The following DLGAP1 variants were observed in gnomAD, a reference collection of about 807,000 sequenced individuals.
The protein encoded by DLGAP1 is DLG associated protein 1.
In DLGAP1, 11 loss-of-function variants were observed where a neutral mutation model predicts 90.8. That is an observed-to-expected ratio of 0.12 (90% CI 0.08 to 0.20). The LOEUF (loss-of-function observed/expected upper bound fraction) is 0.20. Ranked by LOEUF, DLGAP1 falls within the 10% of genes least tolerant of loss-of-function variation. The pLI is 1.00. For synonymous variants in DLGAP1, 558 were observed against 540.7 expected, an observed-to-expected ratio of 1.03 and a Z score of -0.44; for missense variants, 1,050 against 1,333.8, an observed-to-expected ratio of 0.79 and a Z score of 3.31.
chr18:3,583,890 G>T (rs1200716244), intron 7 of DLGAP1, among the ~76,000 whole-genome samples: 1 of 152,218 alleles, frequency 6.6e-6, no homozygotes, highest in East Asian at 1.9e-4. Flanking sequence ...GGAGGTTGCA[G>T]TGAGCTGAGA....
intron 1 of DLGAP1, among the ~76,000 whole-genome samples, chr18:4,407,862 A>G (rs1567897961): frequency 5.5e-5 from 2 of 36,320 alleles, no homozygotes; most frequent in Middle Eastern, 0.022. Context: ...CTCAGTCTCT[A>G]AATAAATAAA....
At chr18:3,547,174 G>A (rs1161026612) in intron 9 of DLGAP1, among the ~76,000 whole-genome samples, 5 of 151,572 alleles carry the variant, frequency 3.3e-5, no homozygotes, top group Admixed American at 6.6e-5. Context: ...GGTGGCGGGC[G>A]CCGGTAGTCC....
chr18:3,522,752 A>G (rs1219973396), intron 10 of DLGAP1, among the ~76,000 whole-genome samples: 1 of 151,922 alleles, frequency 6.6e-6, no homozygotes, highest in Non-Finnish European at 1.5e-5. Flanking sequence ...CATGTTGGCC[A>G]GGTTGGTCTC....
intron 1 of DLGAP1, among the ~76,000 whole-genome samples, chr18:4,310,672 C>T (rs1354041767): frequency 1.3e-5 from 2 of 152,136 alleles, no homozygotes; most frequent in African/African-American, 4.8e-5. Flanking sequence ...TCATTGTATC[C>T]TGTGTTTAGT....
intron 5 of DLGAP1, among the ~76,000 whole-genome samples, chr18:3,779,861 C>G (rs547369119): frequency 6.7e-6 from 1 of 148,186 alleles, no homozygotes; most frequent in African/African-American, 2.5e-5. Flanking sequence ...GTGATCTCGG[C>G]TTACTGCAAC....
rs986058827 is a variant in DLGAP1, at chr18:4,454,197, C to T, written c.-267+809G>A. Reference sequence around the variant, plus strand: ...CATCGCCGCGGGCCCTCCGAAGGTGCCTCTCCCAGCTGCAGCCGCCCCTCA... The same window carrying T: ...CATCGCCGCGGGCCCTCCGAAGGTGTCTCTCCCAGCTGCAGCCGCCCCTCA... On this transcript the variant is annotated intron_variant, in intron 1 of 12. Transcript: ENST00000315677. This position sits in a 1 kb window ranked among gnomAD's most constrained non-coding sequence, Gnocchi z 4.7. Among the ~76,000 whole-genome samples, 3 of 152,212 alleles carry T rather than the reference C, an allele frequency of 2.0e-5. No individual in the cohort carries two copies. Among genetic ancestry groups the T allele is most frequent in the Non-Finnish European group, 2.9e-5 (2 of 68,034 alleles).
At chr18:3,502,758 G>T in intron 11 of DLGAP1, 113 bp from the exon 12 acceptor site, 1 of 1,221,606 alleles carries the variant, frequency 8.2e-7, no homozygotes, top group Non-Finnish European at 1.1e-6. Context: ...AGTTCCTTTT[G>T]GTTTTCCGAC....
intron 1 of DLGAP1, among the ~76,000 whole-genome samples, chr18:4,388,596 G>A (rs997482789): frequency 2.0e-5 from 3 of 152,122 alleles, no homozygotes; most frequent in African/African-American, 7.2e-5. Context: ...AAGGAGTCAT[G>A]TTGTACTGAA....
chr18:4,405,491 A>G (rs1333933281), intron 1 of DLGAP1, among the ~76,000 whole-genome samples: 3 of 152,140 alleles, frequency 2.0e-5, no homozygotes, highest in African/African-American at 7.2e-5. Flanking sequence ...CAACACAATG[A>G]GCATTTTTTC....
At chr18:3,823,531 T>G (rs1377140052) in intron 4 of DLGAP1, among the ~76,000 whole-genome samples, 1 of 152,198 alleles carries the variant, frequency 6.6e-6, no homozygotes, top group Non-Finnish European at 1.5e-5. Flanking sequence ...TTTGTCTTAC[T>G]CAAATTTCTA....
At chr18:4,453,797 C>T (rs2144931690) in intron 1 of DLGAP1, among the ~76,000 whole-genome samples, 1 of 152,306 alleles carries the variant, frequency 6.6e-6, no homozygotes, top group Non-Finnish European at 1.5e-5. Context: ...AGGCAGGGAG[C>T]ATTCACCTCC....
intron 7 of DLGAP1, among the ~76,000 whole-genome samples, chr18:3,596,233 C>T (rs1043479480): frequency 1.3e-5 from 2 of 151,982 alleles, no homozygotes; most frequent in Non-Finnish European, 1.5e-5. Context: ...GATCTCGGCT[C>T]ACTGCAACCT....
At chr18:4,247,572 T>A (rs941559160) in intron 1 of DLGAP1, among the ~76,000 whole-genome samples, 1 of 152,128 alleles carries the variant, frequency 6.6e-6, no homozygotes, top group African/African-American at 2.4e-5. Context: ...GGTCAGGAGT[T>A]TGAGACCAGT....
rs755314290 is a variant in DLGAP1, at chr18:3,880,016, G to C, written c.53C>G (p.Ser18Trp). Residue 18 changes from serine to tryptophan, a missense_variant, in exon 4 of 13, where the codon TCG (serine) becomes TGG (tryptophan). Ser to Trp is a radical substitution (Grantham distance 177). Coordinates refer to ENST00000315677, the MANE Select transcript of DLGAP1 (RefSeq NM_004746.4). ...RSHHHGVTCD[S>W]ACDSLSHHSD... ...GTGGTGCGACAGCGAGTCACAGGCC[G>C]AGTCGCAGGTGACCCCGTGGTGATG... 6.2e-7 allele frequency: 1 copy of C among 1,608,704 alleles called. No homozygotes were observed. Among genetic ancestry groups the C allele is most frequent in the Admixed American group, 1.7e-5 (1 of 60,012 alleles).
chr18:4,317,022 CT>C (rs33945197), intron 1 of DLGAP1, among the ~76,000 whole-genome samples: 37,840 of 152,034 alleles, frequency 0.25, 4,730 homozygotes, highest in Middle Eastern at 0.3. Context: ...GGTGAGGTCC[CT>C]GCTGGAGATA....
At chr18:3,869,391 G>A (rs760931419) in intron 4 of DLGAP1, among the ~76,000 whole-genome samples, 41 of 152,058 alleles carry the variant, frequency 2.7e-4, no homozygotes, top group African/African-American at 9.4e-4. Context: ...GCGAAACCCC[G>A]TCTCTACATA....
chr18:4,009,603 T>C (rs2074377617), intron 2 of DLGAP1, among the ~76,000 whole-genome samples: 2 of 152,368 alleles, frequency 1.3e-5, no homozygotes, highest in South Asian at 4.1e-4. Context: ...AACATGCCCA[T>C]GGCAGGATAG....
At chr18:3,806,645 A>C (rs2066575688) in intron 5 of DLGAP1, among the ~76,000 whole-genome samples, 1 of 152,212 alleles carries the variant, frequency 6.6e-6, no homozygotes, top group African/African-American at 2.4e-5. Context: ...ATAGATATTA[A>C]ATTGAATAAA....
chr18:3,653,151 G>C lies in DLGAP1; in HGVS notation c.1592-70903C>G, dbSNP rs974450926. On this transcript the variant is annotated intron_variant, in intron 7 of 12. Transcript: ENST00000315677. This position sits in a 1 kb window ranked among gnomAD's most constrained non-coding sequence, Gnocchi z 4.6. ...ACCTAACATCTATCTCCCTGCTCCA[G>C]TTTCAAGAGAAAAGACCTTATTCAG... Among the ~76,000 whole-genome samples the C allele has an allele frequency of 6.6e-6, 1 of 152,202 alleles. No individual in the cohort carries two copies. The highest frequency in any genetic ancestry group is 6.5e-5 in the Admixed American group (1 of 15,280).
Sources: gnomAD v4.1 joint callset for allele counts (sites outside exome capture counted in the v4.1 genomes callset) on GRCh38, gnomAD v4.1.1 for gene constraint, Gnocchi (gnomAD v3.1) non-coding constraint, MANE v1.5 for transcripts, NCBI Gene and HGNC (gene_info 2026-07-23, HGNC 2026-07-21) for gene names.